Variants in MYO18B observed in about 807,000 individuals in gnomAD.
MYO18B encodes unconventional myosin-XVIIIb.
In MYO18B, 204 loss-of-function variants were observed where a neutral mutation model predicts 273.0. The ratio of observed to expected loss-of-function variants is 0.75; its 90% CI spans 0.67 to 0.84. The LOEUF (loss-of-function observed/expected upper bound fraction) is 0.84, where lower values mean the gene tolerates loss of function less well. MYO18B is among the 40% of genes least tolerant of loss of function. The probability of loss-of-function intolerance (pLI) is 0.00; values close to 1 mark genes in which losing one functional copy is unlikely to be tolerated. For synonymous variants in MYO18B, 1,330 were observed against 1,305.7 expected (o/e 1.02, Z -0.40); for missense variants, 3,212 against 3,287.6 (o/e 0.98, Z 0.56).
At chr22:25,947,663 C>A (rs368138381) in intron 35 of MYO18B, 49 bp from the exon 36 acceptor site, 2 of 1,448,212 alleles carry the variant, frequency 1.4e-6, no homozygotes, top group Non-Finnish European at 1.9e-6. Flanking sequence ...CCTTGCTGCC[C>A]ATCCCTCACC....
At chr22:26,056,975 T>C in the MYO18B span, among the ~76,000 whole-genome samples, 1 of 151,860 alleles carries the variant, frequency 6.6e-6, no homozygotes, top group African/African-American at 2.4e-5. Context: ...GTACAGAAAA[T>C]CTCAGAATGG....
chr22:25,904,364 C>G (rs1303684543), intron 31 of MYO18B, among the ~76,000 whole-genome samples: 1 of 152,168 alleles, frequency 6.6e-6, no homozygotes, highest in Non-Finnish European at 1.5e-5. Flanking sequence ...AAGCTCTCCC[C>G]ACACATCTCA....
At chr22:25,821,925 C>T (rs915549969) in intron 12 of MYO18B, among the ~76,000 whole-genome samples, 2 of 152,096 alleles carry the variant, frequency 1.3e-5, no homozygotes, top group African/African-American at 2.4e-5. Flanking sequence ...AGCCATATTT[C>T]CCTTTTATTA....
intron 18 of MYO18B, among the ~76,000 whole-genome samples, chr22:25,844,943 A>G (rs1458362851): frequency 6.6e-6 from 1 of 152,164 alleles, no homozygotes; most frequent in Non-Finnish European, 1.5e-5. Flanking sequence ...TGCTTCCTGT[A>G]CCATAAATAA....
intron 21 of MYO18B, among the ~76,000 whole-genome samples, chr22:25,853,545 G>A (rs1196779126): frequency 6.6e-6 from 1 of 152,180 alleles, no homozygotes; most frequent in East Asian, 1.9e-4. Flanking sequence ...TTCGTTCATG[G>A]GGTTCCTTAT....
In MYO18B at chr22:25,851,576, G is replaced by T; in HGVS notation, c.3882G>T (p.Arg1294Ser). 6.4e-7 allele frequency: 1 copy of T among 1,551,934 alleles called. No homozygotes were observed. The highest frequency in any genetic ancestry group is 8.7e-7 in the Non-Finnish European group (1 of 1,146,008). Reference protein sequence around the residue: ...LMSTSEGIDERKAVEELLETL... With the variant: ...LMSTSEGIDESKAVEELLETL... ...CGACCTCCGAGGGAATAGATGAAAG[G>T]AAGGTAGGTGGAGCACATGCGAGAG... The change falls in exon 21 of 44, where the codon AGG becomes AGT. Residue 1294 changes from arginine to serine, a missense_variant. Physicochemically the swap from Arg to Ser is moderately radical, Grantham distance 110 (BLOSUM62 -1). Coordinates refer to ENST00000335473, the MANE Select transcript of MYO18B (RefSeq NM_032608.7).
At chr22:25,947,885 G>T in intron 36 of MYO18B, 57 bp downstream of exon 36, 1 of 1,301,774 alleles carries the variant, frequency 7.7e-7, no homozygotes, top group East Asian at 2.3e-5. Context: ...GGTGAATGGG[G>T]AATGTTGAGA....
chr22:25,918,614 A>C (rs1478262550), intron 33 of MYO18B, among the ~76,000 whole-genome samples: 1 of 152,178 alleles, frequency 6.6e-6, no homozygotes, highest in Non-Finnish European at 1.5e-5. Flanking sequence ...TCTGGAAAGG[A>C]GTTAGTGCCA....
At chr22:26,042,942 G>A in the MYO18B span, among the ~76,000 whole-genome samples, 210 of 152,230 alleles carry the variant, frequency 1.4e-3, no homozygotes, top group African/African-American at 4.4e-3. Flanking sequence ...TCTACTTTGC[G>A]TGCAATGAAA....
chr22:25,756,897 C>G (rs2086140469), intron 1 of MYO18B, among the ~76,000 whole-genome samples: 1 of 152,024 alleles, frequency 6.6e-6, no homozygotes. Flanking sequence ...CCCGTCTCTA[C>G]TGAAAATACA....
chr22:25,957,427 A>G (rs2092866681), intron 39 of MYO18B, among the ~76,000 whole-genome samples: 1 of 152,238 alleles, frequency 6.6e-6, no homozygotes, highest in African/African-American at 2.4e-5. Flanking sequence ...GCTTGCATGC[A>G]TGCTGAAATT....
intron 25 of MYO18B, among the ~76,000 whole-genome samples, chr22:25,889,185 T>TTA (rs2091588699): frequency 1.3e-5 from 2 of 151,304 alleles, no homozygotes; most frequent in African/African-American, 4.8e-5. Context: ...ATATTTTTTT[T>TTA]ATGTCAGAAC....
chr22:25,829,703 T>C (rs1272957144), intron 15 of MYO18B, among the ~76,000 whole-genome samples: 1 of 151,920 alleles, frequency 6.6e-6, no homozygotes, highest in African/African-American at 2.4e-5. Context: ...CCAGACTCAG[T>C]GGCGCACGCC....
chr22:25,829,018 A>G (rs1211338067), intron 15 of MYO18B, 50 bp downstream of exon 15: 3 of 1,589,546 alleles, frequency 1.9e-6, no homozygotes, highest in Non-Finnish European at 2.6e-6. Context: ...TGGATGGTGT[A>G]AGGTCAGATG....
chr22:25,785,620 G>A (rs2087351239), intron 11 of MYO18B, 129 bp downstream of exon 11: 1 of 952,162 alleles, frequency 1.1e-6, no homozygotes, highest in Non-Finnish European at 1.6e-6. Context: ...TGGTCATGTG[G>A]AAGAGTTGGC....
intron 11 of MYO18B, among the ~76,000 whole-genome samples, chr22:25,794,663 C>T (rs1432676021): frequency 6.6e-6 from 1 of 151,976 alleles, no homozygotes; most frequent in African/African-American, 2.4e-5. Flanking sequence ...CGCCACTTCG[C>T]CCGGCTAAGT....
chr22:26,014,970 C>A (rs1429198554), intron 42 of MYO18B, among the ~76,000 whole-genome samples: 1 of 151,964 alleles, frequency 6.6e-6, no homozygotes, highest in Non-Finnish European at 1.5e-5. Flanking sequence ...TTGTCACATG[C>A]ATAGTTTGCA....
At chr22:25,772,683 C>T (rs1007672462) in intron 7 of MYO18B, among the ~76,000 whole-genome samples, 173 bp downstream of exon 7, 3 of 152,204 alleles carry the variant, frequency 2.0e-5, no homozygotes, top group Admixed American at 2.0e-4. Context: ...ATGAGATTCC[C>T]CCATTCCCTG....
At chr22:25,895,309 G>C in intron 28 of MYO18B, 29 bp downstream of exon 28, 1 of 1,575,176 alleles carries the variant, frequency 6.3e-7, no homozygotes, top group East Asian at 2.3e-5. Context: ...CTGGGCCACA[G>C]AAGTGTTAGA....
Sources: allele counts gnomAD v4.1 joint callset (sites outside exome capture counted in the v4.1 genomes callset), GRCh38; gene constraint gnomAD v4.1.1; transcripts MANE v1.5; gene names NCBI Gene and HGNC (gene_info 2026-07-23, HGNC 2026-07-21).